Variants in MARCHF1 observed in about 807,000 individuals in gnomAD.
The protein encoded by MARCHF1 is membrane associated ring-CH-type finger 1.
A neutral mutation model predicts 54.2 loss-of-function variants in MARCHF1; 40 were observed. The observed-to-expected ratio is 0.74, with a 90% confidence interval of 0.57 to 0.96. The LOEUF (loss-of-function observed/expected upper bound fraction) is 0.96. Among genes scored for constraint, MARCHF1 ranks in the 40% least tolerant of loss-of-function variants. MARCHF1 has a pLI of 0.00. For synonymous variants in MARCHF1, 236 were observed against 236.3 expected (o/e 1.00, Z 0.01); for missense variants, 586 against 656.5 (o/e 0.89, Z 1.17).
intron 3 of MARCHF1, among the ~76,000 whole-genome samples, chr4:163,886,159 A>AG (rs1484828630): frequency 2.0e-5 from 3 of 149,874 alleles, no homozygotes; most frequent in African/African-American, 7.3e-5. Flanking sequence ...GTAGATCTAT[A>AG]AATAGATCTA....
At chr4:163,759,443 A>C (rs1376286755) in intron 4 of MARCHF1, among the ~76,000 whole-genome samples, 3 of 152,122 alleles carry the variant, frequency 2.0e-5, no homozygotes, top group Admixed American at 2.0e-4. Context: ...TCATGATGTG[A>C]TCAATCATTG....
intron 4 of MARCHF1, among the ~76,000 whole-genome samples, chr4:163,719,718 C>G (rs1336216367): frequency 6.6e-6 from 1 of 151,768 alleles, no homozygotes; most frequent in Non-Finnish European, 1.5e-5. Context: ...TTAATGATCG[C>G]CATTCTAACT....
chr4:164,244,948 A>T (rs1441682507), intron 1 of MARCHF1, among the ~76,000 whole-genome samples: 2 of 152,184 alleles, frequency 1.3e-5, no homozygotes, highest in Admixed American at 6.5e-5. Flanking sequence ...ACAGGAGCTG[A>T]AATTGTGGCA....
chr4:164,190,417 C>G lies in MARCHF1; in HGVS notation c.-322-78755G>C, dbSNP rs529665932. Reference sequence around the variant, plus strand: ...AGAAAAAAAATGAGAGAAGTCAAGTCTTAAATGTAATTGGAATTGTCACCT... The same window carrying G: ...AGAAAAAAAATGAGAGAAGTCAAGTGTTAAATGTAATTGGAATTGTCACCT... On this transcript the variant is annotated intron_variant, in intron 1 of 9. Coordinates refer to ENST00000514618, the MANE Select transcript of MARCHF1 (RefSeq NM_001394959.1). 1.9e-3 allele frequency: 889 copies of G among 457,380 alleles called. 2 individuals are homozygous for G. Among genetic ancestry groups the G allele is most frequent in the Non-Finnish European group, 3.1e-3 (785 of 256,090 alleles). 28.3% of individuals were successfully genotyped at this position (457,380 alleles called of 1,614,324 possible).
At chr4:163,681,125 G>A (rs761992581) in intron 5 of MARCHF1, among the ~76,000 whole-genome samples, 1 of 151,866 alleles carries the variant, frequency 6.6e-6, no homozygotes, top group African/African-American at 2.4e-5. Context: ...GAACAGCATC[G>A]GTAAACAGTA....
intron 1 of MARCHF1, among the ~76,000 whole-genome samples, chr4:164,154,407 A>G (rs1262420675): frequency 1.3e-5 from 2 of 152,242 alleles, no homozygotes; most frequent in Admixed American, 6.5e-5. Flanking sequence ...AAGTAATTCA[A>G]GTAATTAGTG....
At chr4:163,524,585 A>G (rs936337454), downstream of MARCHF1, 4 of 152,116 alleles carry the variant, frequency 2.6e-5, no homozygotes, top group African/African-American at 9.7e-5. Flanking sequence ...CCATGTCATG[A>G]GTTAGTCAAC....
rs145748626 is a variant in MARCHF1 at position 163,529,123 on chromosome 4, T to G, written c.1340-77A>C. On this transcript the variant is annotated intron_variant, in intron 9 of 9. Transcript: ENST00000514618. ...TGGTCATTTTTTTTTTCTATGACCC[T>G]TCAAAAGCCCGTGCTTGCCTTCTAG... The G allele has an allele frequency of 1.8e-3, 1,964 of 1,082,158 alleles. 24 individuals are homozygous for G. The African/African-American group carries it at 0.026, about 14-fold the overall frequency. 67.0% of individuals were successfully genotyped at this position (1,082,158 alleles called of 1,614,324 possible). A position where few individuals can be genotyped will look rare whatever the true frequency, so the allele number is the denominator to read the frequency against.
chr4:164,061,020 A>ATG (rs1201882546), intron 2 of MARCHF1, among the ~76,000 whole-genome samples: 2 of 152,204 alleles, frequency 1.3e-5, no homozygotes, highest in Admixed American at 1.3e-4. Context: ...TCACTTAGAA[A>ATG]TGTATCCAGC....
chr4:164,276,658 T>C (rs1202407599), intron 1 of MARCHF1, among the ~76,000 whole-genome samples: 1 of 151,080 alleles, frequency 6.6e-6, no homozygotes, highest in Non-Finnish European at 1.5e-5. Flanking sequence ...AATATCACTC[T>C]GTATCCCAAG....
chr4:163,895,905 C>A (rs1425974624), intron 3 of MARCHF1, among the ~76,000 whole-genome samples: 2 of 152,096 alleles, frequency 1.3e-5, no homozygotes, highest in Non-Finnish European at 2.9e-5. Flanking sequence ...ATGACCCCCC[C>A]ACTGCCCCAC....
chr4:164,274,893 G>T (rs1733838223), intron 1 of MARCHF1, among the ~76,000 whole-genome samples: 1 of 150,522 alleles, frequency 6.6e-6, no homozygotes, highest in Non-Finnish European at 1.5e-5. Context: ...AGCCAGGATG[G>T]TCTCGATCTC....
chr4:163,780,374 G>C (rs1362485250), intron 4 of MARCHF1, among the ~76,000 whole-genome samples: 2 of 152,072 alleles, frequency 1.3e-5, no homozygotes, highest in Non-Finnish European at 2.9e-5. Context: ...GTCGTATTTT[G>C]ATTCCTCTTC....
At chr4:164,186,227 A>C (rs1225536965) in intron 1 of MARCHF1, among the ~76,000 whole-genome samples, 1 of 152,172 alleles carries the variant, frequency 6.6e-6, no homozygotes, top group African/African-American at 2.4e-5. Flanking sequence ...AAAATGCAGT[A>C]ATCCTGAAGC....
At chr4:163,840,527 T>A (rs1295645641) in intron 4 of MARCHF1, among the ~76,000 whole-genome samples, 1 of 152,100 alleles carries the variant, frequency 6.6e-6, no homozygotes, top group Non-Finnish European at 1.5e-5. Context: ...TTAACCTGAT[T>A]TGAAGAAAAC....
intron 1 of MARCHF1, among the ~76,000 whole-genome samples, chr4:164,303,771 G>C (rs930532187): frequency 1.3e-5 from 2 of 151,618 alleles, no homozygotes; most frequent in Non-Finnish European, 2.9e-5. Context: ...ACACACATGC[G>C]TGCACACACA....
intron 2 of MARCHF1, among the ~76,000 whole-genome samples, chr4:163,989,088 A>G (rs552508926): frequency 3.3e-5 from 5 of 152,118 alleles, no homozygotes; most frequent in Non-Finnish European, 7.4e-5. Flanking sequence ...GGAGTCCACT[A>G]AGCACCCAGA....
At chr4:163,641,293 C>A (rs1490303958) in intron 5 of MARCHF1, among the ~76,000 whole-genome samples, 1 of 151,846 alleles carries the variant, frequency 6.6e-6, no homozygotes, top group Non-Finnish European at 1.5e-5. Context: ...ATAGGGAAAT[C>A]AAATAAGAAT....
chr4:163,991,691 G>A, intron 2 of MARCHF1, among the ~76,000 whole-genome samples: 1 of 152,174 alleles, frequency 6.6e-6, no homozygotes, highest in Non-Finnish European at 1.5e-5. Flanking sequence ...ATCACATTAT[G>A]TGATCCAGAT....
Sources: allele counts gnomAD v4.1 joint callset (sites outside exome capture counted in the v4.1 genomes callset), GRCh38; gene constraint gnomAD v4.1.1; transcripts MANE v1.5; gene names NCBI Gene and HGNC (gene_info 2026-07-23, HGNC 2026-07-21).